ARHGAP22: variants seen among roughly 807,000 people sequenced by gnomAD.
ARHGAP22 encodes rho GTPase-activating protein 22.
ARHGAP22 carries 48 observed loss-of-function variants against 59.1 expected under a neutral mutation model. The observed-to-expected ratio is 0.81, with a 90% CI of 0.64 to 1.03. ARHGAP22 has a LOEUF of 1.03. Among genes scored for constraint, ARHGAP22 ranks in the 50% least tolerant of loss-of-function variants. ARHGAP22 has a pLI of 0.00. For missense variants in ARHGAP22, 1,015 were observed against 958.7 expected (o/e 1.06, Z -0.78); for synonymous variants, 445 against 416.4 (o/e 1.07, Z -0.84).
At position 48,644,592 on chromosome 10, in the gene ARHGAP22, G is replaced by T. The variant is rs998456857; in HGVS notation, c.52+7642C>A. Among the ~76,000 whole-genome samples the T allele has an allele frequency of 3.9e-5, 6 of 152,122 alleles. No homozygotes were observed. The South Asian group carries it at 1.2e-3, about 32-fold the overall frequency. On this transcript the variant is annotated intron_variant, in intron 1 of 9. Transcript: ENST00000435790. ...TCATATAAAGTACATTATCTATCTT[G>T]GAATTAAATTAGAAATAACAACAGA...
At chr10:48,632,020 A>G (rs1345331036) in intron 1 of ARHGAP22, among the ~76,000 whole-genome samples, 1 of 152,160 alleles carries the variant, frequency 6.6e-6, no homozygotes, top group Non-Finnish European at 1.5e-5. Context: ...TTTTGGTTAC[A>G]TGGATGAATT....
chr10:48,522,297 G>A (rs1479101068), intron 3 of ARHGAP22, among the ~76,000 whole-genome samples: 1 of 152,178 alleles, frequency 6.6e-6, no homozygotes, highest in Non-Finnish European at 1.5e-5. Flanking sequence ...AGGCTGCTGT[G>A]GCCAGCCATC....
At chr10:48,628,789 T>C (rs2061535401) in intron 1 of ARHGAP22, among the ~76,000 whole-genome samples, 2 of 152,098 alleles carry the variant, frequency 1.3e-5, no homozygotes, top group South Asian at 4.2e-4. Context: ...AGTCATCATC[T>C]TTGGTGCACA....
chr10:48,640,009 T>C (rs1221226459), intron 1 of ARHGAP22, among the ~76,000 whole-genome samples: 1 of 152,172 alleles, frequency 6.6e-6, no homozygotes, highest in Non-Finnish European at 1.5e-5. Context: ...AAATAGAGAA[T>C]TTCAATGAGA....
At chr10:48,543,112 C>T (rs374541337) in intron 3 of ARHGAP22, among the ~76,000 whole-genome samples, 3 of 152,110 alleles carry the variant, frequency 2.0e-5, no homozygotes, top group East Asian at 1.9e-4. Flanking sequence ...ATCCATGTGC[C>T]CAAGGGGACA....
intron 3 of ARHGAP22, among the ~76,000 whole-genome samples, chr10:48,480,013 T>G (rs1023982943): frequency 9.8e-5 from 15 of 152,334 alleles, no homozygotes; most frequent in African/African-American, 3.6e-4. Flanking sequence ...AGAAATAATT[T>G]AATGCACTCC....
chr10:48,637,144 C>T (rs1328277692), intron 1 of ARHGAP22, among the ~76,000 whole-genome samples: 2 of 152,198 alleles, frequency 1.3e-5, no homozygotes, highest in African/African-American at 4.8e-5. Flanking sequence ...AGATGAATGC[C>T]ACTGAGAGTT....
At chr10:48,515,125 C>T (rs1389488221) in intron 3 of ARHGAP22, among the ~76,000 whole-genome samples, 1 of 152,044 alleles carries the variant, frequency 6.6e-6, no homozygotes, top group Non-Finnish European at 1.5e-5. Flanking sequence ...GGAATAAATA[C>T]TCCAACAAAA....
chr10:48,575,030 T>C (rs1458495610), intron 2 of ARHGAP22: 1 of 152,236 alleles, frequency 6.6e-6, no homozygotes, highest in South Asian at 2.1e-4. Context: ...ACCATCTTCT[T>C]GGTGCTGTCC....
At chr10:48,584,776 C>T (rs1030973186) in intron 1 of ARHGAP22, among the ~76,000 whole-genome samples, 10 of 152,154 alleles carry the variant, frequency 6.6e-5, no homozygotes, top group South Asian at 2.1e-4. Context: ...GGGCGGATCA[C>T]GAGGTCAGGA....
chr10:48,481,009 G>A (rs116280829), intron 3 of ARHGAP22, among the ~76,000 whole-genome samples: 3,822 of 152,364 alleles, frequency 0.025, 158 homozygotes, highest in African/African-American at 0.087. Context: ...GGGAGAGGCC[G>A]TGGGGCCCAA....
intron 3 of ARHGAP22, 64 bp downstream of exon 3, chr10:48,555,399 C>G: frequency 1.3e-6 from 2 of 1,521,314 alleles, no homozygotes; most frequent in Non-Finnish European, 1.8e-6. Flanking sequence ...GTCTGCCCTT[C>G]CCAGGCCAGG....
intron 2 of ARHGAP22, among the ~76,000 whole-genome samples, chr10:48,581,760 G>T (rs551682200): frequency 1.3e-5 from 2 of 152,308 alleles, no homozygotes; most frequent in South Asian, 4.1e-4. Flanking sequence ...TGGTTTTAAC[G>T]TCAATATACG....
chr10:48,613,725 C>A (rs1055853926), intron 1 of ARHGAP22, among the ~76,000 whole-genome samples: 1 of 151,562 alleles, frequency 6.6e-6, no homozygotes, highest in Non-Finnish European at 1.5e-5. Context: ...CTATGAGAAC[C>A]TCCAACATCT....
the ARHGAP22 span, chr10:48,437,846 G>A: frequency 6.6e-6 from 1 of 152,272 alleles, no homozygotes; most frequent in Admixed American, 6.5e-5. Context: ...GCTTGATGGT[G>A]TGCAAAGAAG....
At chr10:48,578,088 C>T (rs896920249) in intron 2 of ARHGAP22, among the ~76,000 whole-genome samples, 2 of 152,196 alleles carry the variant, frequency 1.3e-5, no homozygotes, top group Admixed American at 6.5e-5. Context: ...GGACTAGAGG[C>T]GTGAGCCACT....
chr10:48,442,087 C>T (rs1370490621), downstream of ARHGAP22, among the ~76,000 whole-genome samples: 1 of 152,226 alleles, frequency 6.6e-6, no homozygotes, highest in Non-Finnish European at 1.5e-5. Context: ...TCATGGCCCT[C>T]AAAGTGTGAC....
intron 1 of ARHGAP22, among the ~76,000 whole-genome samples, chr10:48,651,393 C>A (rs1233959600): frequency 6.6e-6 from 1 of 152,034 alleles, no homozygotes; most frequent in Non-Finnish European, 1.5e-5. Context: ...CCTGCACAAC[C>A]CATCCAATCA....
chr10:48,617,369 C>T (rs181260482), intron 1 of ARHGAP22, among the ~76,000 whole-genome samples: 33 of 152,092 alleles, frequency 2.2e-4, no homozygotes, highest in African/African-American at 5.3e-4. Context: ...CAAACATTTA[C>T]GGTACACTTC....
Sources: gnomAD v4.1 joint callset for allele counts (sites outside exome capture counted in the v4.1 genomes callset) on GRCh38, gnomAD v4.1.1 for gene constraint, MANE v1.5 for transcripts, NCBI Gene and HGNC (gene_info 2026-07-23, HGNC 2026-07-21) for gene names.